Variants in FOXP1 observed in about 807,000 individuals in gnomAD.
FOXP1 encodes forkhead box protein P1.
A neutral mutation model predicts 98.2 loss-of-function variants in FOXP1; 15 were observed. The observed-to-expected ratio is 0.15, with a 90% CI of 0.10 to 0.24. The LOEUF (loss-of-function observed/expected upper bound fraction) is 0.24, where lower values mean the gene tolerates loss of function less well. Ranked by LOEUF, FOXP1 falls within the 10% of genes least tolerant of loss-of-function variation. The pLI is 1.00. For missense variants in FOXP1, 633 were observed against 848.5 expected, an observed-to-expected ratio of 0.75 and a Z score of 3.15; for synonymous variants, 371 against 314.5, an observed-to-expected ratio of 1.18 and a Z score of -1.90.
chr3:71,174,915 GT>G (rs547976769), intron 6 of FOXP1, among the ~76,000 whole-genome samples: 3,579 of 136,926 alleles, frequency 0.026, 96 homozygotes, highest in Admixed American at 0.079. Flanking sequence ...GTACATAAAT[GT>G]TTTTTTTTTT....
At chr3:70,970,966 G>GGGCGGGTGTGTGTGCACACCTCTGGGGTT in intron 18 of FOXP1, 161 bp from the exon 19 acceptor site, 1 of 670,414 alleles carries the variant, frequency 1.5e-6, no homozygotes, top group South Asian at 1.6e-5. Context: ...CTGATTTGCA[G>GGGCGGGTGTGTGTGCACACCTCTGGGGTT]GGCGGGTGTG....
chr3:71,535,071 G>A (rs1034387912), intron 2 of FOXP1, among the ~76,000 whole-genome samples: 1 of 152,186 alleles, frequency 6.6e-6, no homozygotes, highest in East Asian at 1.9e-4. Context: ...GGGAAGGGAA[G>A]AGCATTTAGT....
chr3:71,530,344 G>A (rs1034456824), intron 2 of FOXP1, among the ~76,000 whole-genome samples: 4 of 152,086 alleles, frequency 2.6e-5, no homozygotes, highest in Non-Finnish European at 5.9e-5. Flanking sequence ...CTCCCGCCAC[G>A]TGATAACCCA....
At chr3:71,421,998 T>G (rs2083689910) in intron 3 of FOXP1, among the ~76,000 whole-genome samples, 1 of 152,222 alleles carries the variant, frequency 6.6e-6, no homozygotes, top group Admixed American at 6.5e-5. Context: ...TTTGAAATTT[T>G]CAAACAACCC....
At chr3:71,015,707 C>G in intron 11 of FOXP1, 54 bp from the exon 12 acceptor site, 1 of 1,272,452 alleles carries the variant, frequency 7.9e-7, no homozygotes, top group Non-Finnish European at 1.1e-6. Context: ...AAGAACCATT[C>G]CACCAGACGA....
chr3:71,313,888 T>C (rs2074888137), intron 4 of FOXP1, among the ~76,000 whole-genome samples: 1 of 152,194 alleles, frequency 6.6e-6, no homozygotes, highest in African/African-American at 2.4e-5. Context: ...TTACAGAATA[T>C]AGTACTATAC....
chr3:71,303,665 TCTA>T (rs1334562224), intron 4 of FOXP1, among the ~76,000 whole-genome samples: 1 of 151,840 alleles, frequency 6.6e-6, no homozygotes, highest in Non-Finnish European at 1.5e-5. Context: ...GTGAAGAAAA[TCTA>T]CTCCAAAATC....
At chr3:71,286,955 G>A (rs1373135868) in intron 5 of FOXP1, among the ~76,000 whole-genome samples, 1 of 152,166 alleles carries the variant, frequency 6.6e-6, no homozygotes, top group African/African-American at 2.4e-5. Flanking sequence ...CAACACAGAC[G>A]TAGTTACAAT....
chr3:71,508,077 T>C (rs1015520043), intron 2 of FOXP1, among the ~76,000 whole-genome samples: 12 of 152,234 alleles, frequency 7.9e-5, no homozygotes, highest in African/African-American at 2.9e-4. Context: ...ACCCAAGTCT[T>C]ATTCCAAAGC....
chr3:71,507,920 C>T (rs1315420819), intron 2 of FOXP1, among the ~76,000 whole-genome samples: 1 of 152,148 alleles, frequency 6.6e-6, no homozygotes, highest in Non-Finnish European at 1.5e-5. Flanking sequence ...TTACTGTGTG[C>T]CAGCTGACAG....
chr3:71,535,862 C>T (rs2044248918), intron 2 of FOXP1, among the ~76,000 whole-genome samples: 3 of 152,186 alleles, frequency 2.0e-5, no homozygotes, highest in South Asian at 4.1e-4. Flanking sequence ...CCTTCTAATA[C>T]ACACAACGCC....
At chr3:71,018,009 A>C (rs2044768013) in intron 11 of FOXP1, among the ~76,000 whole-genome samples, 1 of 152,220 alleles carries the variant, frequency 6.6e-6, no homozygotes, top group African/African-American at 2.4e-5. Flanking sequence ...TAATATTACT[A>C]GTTAAGAACT....
At chr3:71,051,384 T>C (rs550121251) in intron 9 of FOXP1, among the ~76,000 whole-genome samples, 91 of 152,176 alleles carry the variant, frequency 6.0e-4, no homozygotes, top group Non-Finnish European at 9.3e-4. Flanking sequence ...GGTGAAAACT[T>C]GGCAGGACAT....
At chr3:71,416,930 G>A (rs138429051) in intron 3 of FOXP1, among the ~76,000 whole-genome samples, 7 of 152,130 alleles carry the variant, frequency 4.6e-5, no homozygotes, top group Non-Finnish European at 7.4e-5. Context: ...ACCTCGGCCT[G>A]GTAAACAGGT....
chr3:71,023,435 T>A (rs2045697883), intron 11 of FOXP1, among the ~76,000 whole-genome samples: 1 of 152,226 alleles, frequency 6.6e-6, no homozygotes, highest in Non-Finnish European at 1.5e-5. Context: ...GTTCTCTTCA[T>A]ATACAATTTT....
At chr3:71,405,449 C>T (rs188463553) in intron 3 of FOXP1, among the ~76,000 whole-genome samples, 1 of 152,244 alleles carries the variant, frequency 6.6e-6, no homozygotes, top group East Asian at 1.9e-4. Context: ...GACTGCACCA[C>T]CCTAGGTAGA....
At chr3:71,375,597 T>C (rs1025582944) in intron 3 of FOXP1, among the ~76,000 whole-genome samples, 2 of 152,194 alleles carry the variant, frequency 1.3e-5, no homozygotes, top group Non-Finnish European at 2.9e-5. Flanking sequence ...AGAACTTGGA[T>C]GTATCCCCAA....
chr3:71,411,287 G>A lies in FOXP1; in HGVS notation c.-167-52043C>T, dbSNP rs1205377685. Among the ~76,000 whole-genome samples, 167 of 95,996 alleles carry A rather than the reference G, an allele frequency of 1.7e-3. 1 individual carries two copies. The highest frequency in any genetic ancestry group is 6.4e-3 in the African/African-American group (166 of 26,040). The allele number at this position is 95,996 out of a possible 152,430, so 63.0% of individuals were successfully genotyped here. Reference sequence around the variant, plus strand: ...CCAGAGGCTGAATGGGCGTGTGTGTGTGTGTGTGTGTGTGTGTGTGTGTGT... The same window carrying A: ...CCAGAGGCTGAATGGGCGTGTGTGTATGTGTGTGTGTGTGTGTGTGTGTGT... On this transcript the variant is annotated intron_variant, in intron 3 of 20. Coordinates refer to ENST00000649528, the MANE Select transcript of FOXP1 (RefSeq NM_001349338.3).
intron 2 of FOXP1, among the ~76,000 whole-genome samples, chr3:71,532,467 G>C (rs976758451): frequency 6.6e-6 from 1 of 152,088 alleles, no homozygotes; most frequent in Non-Finnish European, 1.5e-5. Flanking sequence ...TACACTCCCT[G>C]GATGGCTGTC....
Sources: allele counts gnomAD v4.1 joint callset (sites outside exome capture counted in the v4.1 genomes callset), GRCh38; gene constraint gnomAD v4.1.1; transcripts MANE v1.5; gene names NCBI Gene and HGNC (gene_info 2026-07-23, HGNC 2026-07-21).